GRIK3: variants seen among roughly 807,000 people sequenced by gnomAD.
GRIK3 encodes glutamate receptor ionotropic, kainate 3.
Under a neutral mutation model 102.5 loss-of-function variants are expected in GRIK3, and 29 were observed. The ratio of observed to expected loss-of-function variants is 0.28; its 90% CI spans 0.21 to 0.39. The LOEUF (loss-of-function observed/expected upper bound fraction) is 0.39, where lower values mean the gene tolerates loss of function less well. GRIK3 is among the 10% of genes least tolerant of loss of function. GRIK3 has a pLI of 1.00. For synonymous variants in GRIK3, 511 were observed against 504.9 expected, an observed-to-expected ratio of 1.01 and a Z score of -0.16; for missense variants, 908 against 1,252.4, an observed-to-expected ratio of 0.73 and a Z score of 4.15.
intron 1 of GRIK3, among the ~76,000 whole-genome samples, chr1:36,939,225 G>A (rs1340453439): frequency 2.0e-5 from 3 of 152,250 alleles, no homozygotes; most frequent in Non-Finnish European, 4.4e-5. Flanking sequence ...AGGGAGCGGG[G>A]CGGAGAGGTG....
At chr1:37,026,011 G>C (rs1216177723) in intron 1 of GRIK3, among the ~76,000 whole-genome samples, 1 of 152,114 alleles carries the variant, frequency 6.6e-6, no homozygotes, top group Non-Finnish European at 1.5e-5. Flanking sequence ...TTCTAGGAGA[G>C]CTAAAGTGTC....
chr1:37,008,445 C>T (rs554457536), intron 1 of GRIK3, among the ~76,000 whole-genome samples: 4 of 152,248 alleles, frequency 2.6e-5, no homozygotes, highest in African/African-American at 9.6e-5. Flanking sequence ...GGCACAGGGG[C>T]ATTCACTGTA....
chr1:37,012,729 A>G lies in GRIK3; in HGVS notation c.115+21265T>C, dbSNP rs536523459. On this transcript the variant is annotated intron_variant, in intron 1 of 15. Transcript: ENST00000373091. ...TGATTCACCTCCAGATGTGACTTCA[A>G]GACTTTCCTAACGCAGCTTTTACTA... Among the ~76,000 whole-genome samples, 371 of 152,354 alleles carry G rather than the reference A, an allele frequency of 2.4e-3. 1 individual carries two copies. The highest frequency in any genetic ancestry group is 3.7e-3 in the Non-Finnish European group (249 of 68,030).
At chr1:37,016,646 C>T (rs1642655201) in intron 1 of GRIK3, among the ~76,000 whole-genome samples, 1 of 151,934 alleles carries the variant, frequency 6.6e-6, no homozygotes, top group South Asian at 2.1e-4. Flanking sequence ...GAAAGAAAAA[C>T]AGCAGCAGCA....
At chr1:36,960,680 G>C (rs1641996732) in intron 1 of GRIK3, among the ~76,000 whole-genome samples, 1 of 152,184 alleles carries the variant, frequency 6.6e-6, no homozygotes, top group South Asian at 2.1e-4. Context: ...AGTCCAATCA[G>C]CACCTCCCAG....
At chr1:36,849,768 G>C (rs374691092) in intron 9 of GRIK3, 1 of 153,476 alleles carries the variant, frequency 6.5e-6, no homozygotes, top group South Asian at 2.0e-4. Context: ...GTTTGAAACA[G>C]GTCAGGAGAA....
At chr1:36,915,508 A>G (rs926211531) in intron 1 of GRIK3, among the ~76,000 whole-genome samples, 1 of 152,188 alleles carries the variant, frequency 6.6e-6, no homozygotes, top group African/African-American at 2.4e-5. Flanking sequence ...GTGGTTTTTA[A>G]CCAAAGCTGC....
Position 36,803,680 on chromosome 1 carries a change from C to T in GRIK3, c.2565+1307G>A, listed in dbSNP as rs564048896. Among the ~76,000 whole-genome samples the T allele has an allele frequency of 8.5e-5, 13 of 152,288 alleles. No individual in the cohort carries two copies. The South Asian group carries it at 1.5e-3, about 17-fold the overall frequency. ...TCTTGACTTCGTGATCCACCCGACT[C>T]GGCCTCCCAAAGTGCTGTGATTACA... On this transcript the variant is annotated intron_variant, in intron 15 of 15. Coordinates refer to ENST00000373091, the MANE Select transcript of GRIK3 (RefSeq NM_000831.4).
intron 1 of GRIK3, among the ~76,000 whole-genome samples, chr1:36,946,635 A>C (rs1250842641): frequency 6.6e-6 from 1 of 152,120 alleles, no homozygotes; most frequent in African/African-American, 2.4e-5. Context: ...AACAGTAATA[A>C]TCATAGCGTC....
Position 36,891,224 on chromosome 1 carries a change from C to T in GRIK3, c.116-128G>A. The T allele has an allele frequency of 6.2e-6, 4 of 641,284 alleles. No homozygotes were observed. The South Asian group carries it at 1.0e-4, about 17-fold the overall frequency. 39.7% of individuals were successfully genotyped at this position (641,284 alleles called of 1,614,324 possible). Reference sequence around the variant, plus strand: ...AAATGTTCAATAATATCCTAGGTAACTGCCATACCTAGAAAGTGTGCAGGA... The same window carrying T: ...AAATGTTCAATAATATCCTAGGTAATTGCCATACCTAGAAAGTGTGCAGGA... On this transcript the variant is annotated intron_variant, in intron 1 of 15. Transcript: ENST00000373091.
rs1182421268 is a variant in GRIK3, at chr1:36,819,347, G to A, written c.1873+389C>T. On this transcript the variant is annotated intron_variant, in intron 12 of 15. Coordinates refer to ENST00000373091, the MANE Select transcript of GRIK3 (RefSeq NM_000831.4). This position sits in a 1 kb window ranked among gnomAD's most constrained non-coding sequence, Gnocchi z 4.1. The stretch of plus-strand genomic sequence containing the variant: ...CAGTGGCCTCCCACCCAGACTCCCT[G>A]CCTCTGGTCTCCTTCCATCCACAGC... Among the ~76,000 whole-genome samples the A allele has an allele frequency of 1.3e-5, 2 of 152,156 alleles. No individual in the cohort carries two copies. The highest frequency in any genetic ancestry group is 2.4e-5 in the African/African-American group (1 of 41,446).
chr1:36,828,597 G>A (rs745531608), intron 10 of GRIK3, among the ~76,000 whole-genome samples: 2 of 152,114 alleles, frequency 1.3e-5, no homozygotes, highest in Non-Finnish European at 2.9e-5. Context: ...TTCCAACTAC[G>A]ATGAAAATGC....
intron 1 of GRIK3, among the ~76,000 whole-genome samples, chr1:36,921,023 GC>G: frequency 6.6e-6 from 1 of 152,366 alleles, no homozygotes; most frequent in East Asian, 1.9e-4. Context: ...GAAAGCAAGT[GC>G]CCATCTGGAG....
At chr1:36,969,068 A>T (rs1642113004) in intron 1 of GRIK3, among the ~76,000 whole-genome samples, 1 of 152,170 alleles carries the variant, frequency 6.6e-6, no homozygotes, top group Non-Finnish European at 1.5e-5. Context: ...CCCAAATTAC[A>T]CTGGCTCCCA....
At chr1:36,993,358 G>T (rs897934146) in intron 1 of GRIK3, among the ~76,000 whole-genome samples, 3 of 152,090 alleles carry the variant, frequency 2.0e-5, no homozygotes, top group African/African-American at 7.2e-5. Flanking sequence ...CTTAGAACTG[G>T]GCTCAAGTGA....
chr1:36,875,038 C>T (rs572682062), intron 3 of GRIK3, among the ~76,000 whole-genome samples: 9 of 152,332 alleles, frequency 5.9e-5, no homozygotes, highest in African/African-American at 2.2e-4. Flanking sequence ...ATGCTTTTCA[C>T]TCACAAAGCG....
chr1:36,945,054 C>T (rs879313628), intron 1 of GRIK3, among the ~76,000 whole-genome samples: 13 of 152,236 alleles, frequency 8.5e-5, no homozygotes, highest in Non-Finnish European at 1.8e-4. Context: ...CAGCTGGCTC[C>T]ACCCCTGGCC....
chr1:36,978,467 G>A (rs1226218626), intron 1 of GRIK3, among the ~76,000 whole-genome samples: 1 of 152,224 alleles, frequency 6.6e-6, no homozygotes, highest in Non-Finnish European at 1.5e-5. Context: ...GTTAGCTACT[G>A]CTGCATAACA....
chr1:36,803,037 G>A (rs1356525356), intron 15 of GRIK3, among the ~76,000 whole-genome samples: 1 of 152,152 alleles, frequency 6.6e-6, no homozygotes, highest in African/African-American at 2.4e-5. Flanking sequence ...GGAGCTTGCG[G>A]TCTAACGATG....
Sources: allele counts gnomAD v4.1 joint callset (sites outside exome capture counted in the v4.1 genomes callset), GRCh38; gene constraint gnomAD v4.1.1; non-coding constraint Gnocchi (gnomAD v3.1); transcripts MANE v1.5; gene names NCBI Gene and HGNC (gene_info 2026-07-23, HGNC 2026-07-21).